The following ABCA4 variants were observed in gnomAD, a reference collection of about 807,000 sequenced individuals.
ABCA4 encodes the protein ATP binding cassette subfamily A member 4, also known as retinal-specific phospholipid-transporting ATPase ABCA4.
A neutral mutation model predicts 263.7 loss-of-function variants in ABCA4; 196 were observed. The ratio of observed to expected loss-of-function variants is 0.74; its 90% confidence interval spans 0.66 to 0.84. The LOEUF is 0.84. ABCA4 is among the 40% of genes least tolerant of loss of function. The pLI, the probability that ABCA4 is intolerant of heterozygous loss-of-function variation, is 0.00. For synonymous variants in ABCA4, 1,133 were observed against 1,094.2 expected (o/e 1.04, Z -0.70); for missense variants, 2,792 against 2,855.1 (o/e 0.98, Z 0.50).
chr1:94,117,206 C>T (rs546952325), intron 1 of ABCA4, among the ~76,000 whole-genome samples: 1 of 152,010 alleles, frequency 6.6e-6, no homozygotes, highest in East Asian at 1.9e-4. Flanking sequence ...TTTCTTCCTT[C>T]CTGCTCTGTT....
chr1:94,102,892 A>C, intron 5 of ABCA4, 123 bp downstream of exon 5: 1 of 1,378,146 alleles, frequency 7.3e-7, no homozygotes, highest in Non-Finnish European at 1.0e-6. Context: ...CAAGGCATTA[A>C]GTGATGGATT....
rs777106757 is a variant in ABCA4, at chr1:94,056,650, A to G, written c.2333T>C (p.Leu778Pro). The G allele has an allele frequency of 2.5e-6, 4 of 1,613,894 alleles. No individual in the cohort carries two copies. The highest frequency in any genetic ancestry group is 2.5e-6 in the Non-Finnish European group (3 of 1,180,054). Residue 778 changes from leucine (L) to proline (P), a missense_variant, in exon 15 of 50, where the codon CTG becomes CCG. Leu to Pro is a moderately conservative substitution (Grantham distance 98, BLOSUM62 -3). Coordinates refer to ENST00000370225, the MANE Select transcript of ABCA4 (RefSeq NM_000350.3). ...CATGCGGTCCTGCCAGGCGAAGCAC[A>G]GGATGTGTGGCAGGTAGAGGGTGAA... ...IYFTLYLPHILCFAWQDRMTA... is the reference protein window; with the variant it reads ...IYFTLYLPHIPCFAWQDRMTA...
chr1:94,077,543 A>G (rs576661254), intron 11 of ABCA4, 147 bp downstream of exon 11: 1 of 724,136 alleles, frequency 1.4e-6, no homozygotes, highest in Non-Finnish European at 2.2e-6. Context: ...AGAGAATGAG[A>G]ACTGTACAGG....
intron 44 of ABCA4, 97 bp from the exon 45 acceptor site, chr1:94,002,089 G>A: frequency 6.4e-7 from 1 of 1,574,356 alleles, no homozygotes; most frequent in Non-Finnish European, 8.7e-7. Context: ...CACGCCTCCA[G>A]AATGAAATCC....
At position 94,030,447 on chromosome 1, in the gene ABCA4, G is replaced by T; in HGVS notation, c.4333C>A (p.Leu1445Met). The T allele has an allele frequency of 6.2e-7, 1 of 1,614,224 alleles. No individual in the cohort carries two copies. Among genetic ancestry groups the T allele is most frequent in the Non-Finnish European group, 8.5e-7 (1 of 1,180,032 alleles). The change falls in exon 29 of 50, where the codon CTG (leucine) becomes ATG (methionine). Residue 1445 changes from leucine to methionine, a missense_variant. By Grantham distance (15) the Leu-to-Met change is conservative. Coordinates refer to ENST00000370225, the MANE Select transcript of ABCA4 (RefSeq NM_000350.3). ...ACTTACGGAAGCCACCCTTCCTTCA[G>T]GCAGCGGTTGCCAAAGCCTGGCTTA... ...LNKPGFGNRC[L>M]KEGWLPEYPC...
chr1:93,998,038 A>G lies in ABCA4; in HGVS notation c.6552T>C (p.Pro2184=). Residue 2184 remains proline, a synonymous_variant, in exon 48 of 50, where the codon CCT becomes CCC. Transcript: ENST00000370225. ...AGTTCCCCTGGAAGAACTGCTCCAC[A>G]GGGTTCAGGTCAGGAAGCAGGTCGT... is the stretch of plus-strand genomic sequence containing the variant. ...PKDDLLPDLN[P]VEQFFQGNFP... 1 of 1,614,190 alleles carries G rather than the reference A, an allele frequency of 6.2e-7. No individual in the cohort carries two copies. Among genetic ancestry groups the G allele is most frequent in the African/African-American group, 1.3e-5 (1 of 75,048 alleles).
intron 38 of ABCA4, 38 bp from the exon 39 acceptor site, chr1:94,011,423 A>T (rs1480837716): frequency 6.2e-7 from 1 of 1,603,376 alleles, no homozygotes; most frequent in Non-Finnish European, 8.5e-7. Context: ...AACGGGGCAA[A>T]CCCCACCCCC....
chr1:93,997,842 T>G lies in ABCA4; in HGVS notation c.6729+19A>C, dbSNP rs1659050533. On this transcript the variant is annotated intron_variant, in intron 48 of 49. Transcript: ENST00000370225. Reference sequence around the variant, plus strand: ...GGACCAGTCTTTGCTCAGCTCTCGGTGCCCCAGGGCCAACTTGCCTGGTCC... The same window carrying G: ...GGACCAGTCTTTGCTCAGCTCTCGGGGCCCCAGGGCCAACTTGCCTGGTCC... The G allele has an allele frequency of 6.2e-7, 1 of 1,613,716 alleles. No individual in the cohort carries two copies. The highest frequency in any genetic ancestry group is 1.3e-5 in the African/African-American group (1 of 74,906).
chr1:94,095,916 G>A (rs1052758536), intron 6 of ABCA4, among the ~76,000 whole-genome samples: 1 of 151,666 alleles, frequency 6.6e-6, no homozygotes, highest in Non-Finnish European at 1.5e-5. Flanking sequence ...GTGGTGCTCC[G>A]TGGTTAACTG....
chr1:94,015,802 T>C lies in ABCA4; in HGVS notation c.5249A>G (p.Gln1750Arg). Residue 1750 changes from glutamine to arginine, a missense_variant, in exon 37 of 50, where the codon CAG becomes CGG. Transcript: ENST00000370225. ...GLVVGIFIGF[Q>R]KKAYTSPENL... ...TTCTGGAGAAGTGTAGGCTTTCTTC[T>C]GAAACCCGATGAAGATGCCCACCAC... 2 of 1,613,934 alleles carry C rather than the reference T, an allele frequency of 1.2e-6. No homozygotes were observed. The highest frequency in any genetic ancestry group is 1.7e-6 in the Non-Finnish European group (2 of 1,179,998).
chr1:94,033,762 C>T (rs2101039469), intron 26 of ABCA4, among the ~76,000 whole-genome samples: 1 of 151,968 alleles, frequency 6.6e-6, no homozygotes, highest in Middle Eastern at 3.4e-3. Context: ...TGGGTGGCAG[C>T]CCCAGCCCTG....
intron 6 of ABCA4, among the ~76,000 whole-genome samples, chr1:94,092,261 G>A (rs74104515): frequency 0.022 from 3,314 of 152,306 alleles, 125 homozygotes; most frequent in African/African-American, 0.072. Context: ...AGTCTTGAAG[G>A]CATGCAGACC....
chr1:94,046,773 C>G (rs923718624), intron 19 of ABCA4, 146 bp downstream of exon 19: 3 of 947,020 alleles, frequency 3.2e-6, no homozygotes, highest in Non-Finnish European at 4.9e-6. Context: ...TCTTTGAATA[C>G]TGCAGAAAGC....
At position 93,993,157 on chromosome 1, in the gene ABCA4, A is replaced by G. The variant is rs1441528302; in HGVS notation, c.*80T>C. 1 of 1,580,850 alleles carries G rather than the reference A, an allele frequency of 6.3e-7. No homozygotes were observed. The highest frequency in any genetic ancestry group is 2.2e-5 in the East Asian group (1 of 44,720). ...CATTTACGCTGGCCAGTCCATTTGG[A>G]TGACCATATGGGCACAGGCTCCTGC... is the stretch of plus-strand genomic sequence containing the variant. On this transcript the variant is annotated 3_prime_UTR_variant, in exon 50 of 50. Transcript: ENST00000370225.
chr1:94,099,310 C>T lies in ABCA4; in HGVS notation c.571-319G>A, dbSNP rs539616591. On this transcript the variant is annotated intron_variant, in intron 5 of 49. Coordinates refer to ENST00000370225, the MANE Select transcript of ABCA4 (RefSeq NM_000350.3). Reference sequence around the variant, plus strand: ...GCAGACCACTAGCCAAAGAATGTGGCGTGTCTCTGGAGGCTGAAGGAGGCA... The same window carrying T: ...GCAGACCACTAGCCAAAGAATGTGGTGTGTCTCTGGAGGCTGAAGGAGGCA... 1.1e-4 allele frequency among the ~76,000 whole-genome samples: 17 copies of T among 152,216 alleles called. 1 individual carries two copies. The highest frequency in any genetic ancestry group is 4.1e-4 in the African/African-American group (17 of 41,510).
chr1:94,089,539 C>A (rs1338629246), intron 6 of ABCA4, among the ~76,000 whole-genome samples: 1 of 150,312 alleles, frequency 6.7e-6, no homozygotes, highest in African/African-American at 2.5e-5. Context: ...ACGATCTCTG[C>A]TCACTGCTCC....
chr1:94,019,994 C>G (rs1231469292), intron 35 of ABCA4, among the ~76,000 whole-genome samples: 5 of 152,062 alleles, frequency 3.3e-5, no homozygotes, highest in African/African-American at 1.2e-4. Context: ...TCTAGACAAC[C>G]TTTCTTTTTA....
intron 30 of ABCA4, among the ~76,000 whole-genome samples, chr1:94,027,160 T>C (rs1660063956): frequency 6.6e-6 from 1 of 152,160 alleles, no homozygotes; most frequent in African/African-American, 2.4e-5. Flanking sequence ...AAGGCACGTA[T>C]AATAGTGAGG....
chr1:94,103,935 C>G (rs1277696516), intron 4 of ABCA4, among the ~76,000 whole-genome samples: 1 of 152,144 alleles, frequency 6.6e-6, no homozygotes, highest in Non-Finnish European at 1.5e-5. Context: ...ATAAAGAACA[C>G]CTAACAGTTA....
Sources: gnomAD v4.1 joint callset for allele counts (sites outside exome capture counted in the v4.1 genomes callset) on GRCh38, gnomAD v4.1.1 for gene constraint, MANE v1.5 for transcripts, NCBI Gene and HGNC (gene_info 2026-07-23, HGNC 2026-07-21) for gene names.